Variants in DDX19A observed in about 807,000 individuals in gnomAD.
DDX19A encodes the protein DEAD-box helicase 19A.
DDX19A carries 12 observed loss-of-function variants against 60.6 expected under a neutral mutation model. The observed-to-expected ratio is 0.20, with a 90% CI of 0.13 to 0.32. The LOEUF (loss-of-function observed/expected upper bound fraction) is 0.32. DDX19A is among the 10% of genes least tolerant of loss of function. The pLI, the probability that DDX19A is intolerant of heterozygous loss-of-function variation, is 1.00. For synonymous variants in DDX19A, 206 were observed against 218.2 expected, an observed-to-expected ratio of 0.94 and a Z score of 0.49; for missense variants, 337 against 600.6, an observed-to-expected ratio of 0.56 and a Z score of 4.59.
intron 2 of DDX19A, among the ~76,000 whole-genome samples, chr16:70,353,258 G>C (rs1395524046): frequency 2.0e-5 from 3 of 151,854 alleles, no homozygotes; most frequent in Non-Finnish European, 4.4e-5. Flanking sequence ...GGGATTACAG[G>C]TGCCTGCCTT....
At chr16:70,351,003 C>T (rs1406788860) in intron 2 of DDX19A, among the ~76,000 whole-genome samples, 3 of 150,868 alleles carry the variant, frequency 2.0e-5, no homozygotes, top group Non-Finnish European at 4.4e-5. Flanking sequence ...CTCAGCCTCC[C>T]GAGTAGCTGG....
chr16:70,371,582 C>T lies in DDX19A; in HGVS notation c.1375+19C>T, dbSNP rs1395843184. On this transcript the variant is annotated intron_variant, in intron 11 of 11. Transcript: ENST00000302243. ...CATTTTAGTGAGTCCCGGGGAGGGT[C>T]CTGTGCCTGGCGCCCTTTGCTAAGT... 7.5e-7 allele frequency: 1 copy of T among 1,335,446 alleles called. No homozygotes were observed. The highest frequency in any genetic ancestry group is 2.5e-5 in the East Asian group (1 of 39,580). The allele number at this position is 1,335,446 out of a possible 1,614,324, so 82.7% of individuals were successfully genotyped here.
At chr16:70,360,529 A>G (rs1376464928) in intron 4 of DDX19A, among the ~76,000 whole-genome samples, 4 of 151,440 alleles carry the variant, frequency 2.6e-5, no homozygotes, top group Non-Finnish European at 5.9e-5. Context: ...TGTTTTAGAG[A>G]CAGGGTCTCA....
chr16:70,348,841 A>G (rs2152222643), intron 1 of DDX19A, among the ~76,000 whole-genome samples: 1 of 151,640 alleles, frequency 6.6e-6, no homozygotes, highest in East Asian at 1.9e-4. Context: ...GTTACTCAGG[A>G]TGCTGAGGTG....
chr16:70,359,154 T>G (rs982794189), intron 4 of DDX19A, among the ~76,000 whole-genome samples: 2 of 152,178 alleles, frequency 1.3e-5, no homozygotes, highest in Non-Finnish European at 2.9e-5. Flanking sequence ...ATGTACTTGG[T>G]CTGCTTTGTA....
At chr16:70,358,746 C>T (rs1340441515) in intron 4 of DDX19A, among the ~76,000 whole-genome samples, 1 of 152,072 alleles carries the variant, frequency 6.6e-6, no homozygotes, top group African/African-American at 2.4e-5. Context: ...ACTCAGGAGG[C>T]TGAGGTAGGA....
At chr16:70,349,469 C>T (rs113979076) in intron 1 of DDX19A, among the ~76,000 whole-genome samples, 11 of 152,292 alleles carry the variant, frequency 7.2e-5, no homozygotes, top group African/African-American at 2.6e-4. Context: ...TGATGGGAAC[C>T]TTCCCAAAGT....
At chr16:70,352,017 T>G (rs2152224288) in intron 2 of DDX19A, among the ~76,000 whole-genome samples, 1 of 152,212 alleles carries the variant, frequency 6.6e-6, no homozygotes, top group East Asian at 1.9e-4. Context: ...CATTCTGAGG[T>G]ACTGGTTAGG....
intron 2 of DDX19A, among the ~76,000 whole-genome samples, chr16:70,355,138 C>T (rs541989354): frequency 1.3e-5 from 2 of 152,256 alleles, no homozygotes; most frequent in South Asian, 4.1e-4. Context: ...TTTGGGAGGC[C>T]AAGGTGGGCG....
intron 4 of DDX19A, among the ~76,000 whole-genome samples, chr16:70,356,550 G>A (rs1964191306): frequency 6.6e-6 from 1 of 151,798 alleles, no homozygotes; most frequent in Non-Finnish European, 1.5e-5. Flanking sequence ...TAGAGACGGG[G>A]TTTCACCATG....
At chr16:70,361,588 A>G (rs1291632362) in intron 5 of DDX19A, 78 bp downstream of exon 5, 1 of 1,191,842 alleles carries the variant, frequency 8.4e-7, no homozygotes, top group African/African-American at 1.5e-5. Flanking sequence ...GTGCCTGAGA[A>G]CAGAAGGAGC....
chr16:70,347,249 G>T (rs1220501916), intron 1 of DDX19A: 1 of 594,188 alleles, frequency 1.7e-6, no homozygotes, highest in Non-Finnish European at 3.0e-6. Context: ...GGCTGGTTAA[G>T]GACTTCATCC....
At chr16:70,347,086 G>A (rs1342635009) in intron 1 of DDX19A, 38 bp downstream of exon 1, 1 of 1,591,682 alleles carries the variant, frequency 6.3e-7, no homozygotes, top group Non-Finnish European at 8.5e-7. Context: ...GACGTAGCAG[G>A]GGCCCAAGCG....
At chr16:70,364,029 T>C (rs2151640611) in intron 5 of DDX19A, 1 of 152,910 alleles carries the variant, frequency 6.5e-6, no homozygotes, top group South Asian at 2.0e-4. Context: ...GTAAGCCATA[T>C]TTATCTTTTT....
chr16:70,365,456 A>T, intron 7 of DDX19A: 1 of 204,738 alleles, frequency 4.9e-6, no homozygotes. Context: ...GATTAACAGG[A>T]CTGAGGATGG....
chr16:70,371,223 T>C (rs1212021576), intron 10 of DDX19A, 149 bp from the exon 11 acceptor site: 1 of 1,389,302 alleles, frequency 7.2e-7, no homozygotes, highest in East Asian at 2.4e-5. Flanking sequence ...TGCCTGCCTA[T>C]ATGTGTGCCC....
intron 6 of DDX19A, 73 bp downstream of exon 6, chr16:70,364,718 C>G: frequency 8.7e-7 from 1 of 1,154,956 alleles, no homozygotes; most frequent in South Asian, 1.2e-5. Flanking sequence ...TGAGGAGTAA[C>G]GAGAGGTCTG....
chr16:70,365,350 C>T, intron 7 of DDX19A: 1 of 378,506 alleles, frequency 2.6e-6, no homozygotes, highest in Non-Finnish European at 4.8e-6. Flanking sequence ...AAAATCCACG[C>T]ATGGCTCACA....
At chr16:70,365,963 A>G in intron 7 of DDX19A, 122 bp from the exon 8 acceptor site, 2 of 1,444,268 alleles carry the variant, frequency 1.4e-6, no homozygotes, top group Non-Finnish European at 1.9e-6. Flanking sequence ...GGGAACACTC[A>G]TGTGTGTTTT....
Sources: gnomAD v4.1 joint callset for allele counts (sites outside exome capture counted in the v4.1 genomes callset) on GRCh38, gnomAD v4.1.1 for gene constraint, MANE v1.5 for transcripts, NCBI Gene and HGNC (gene_info 2026-07-23, HGNC 2026-07-21) for gene names.